SLC20A2: variants seen among roughly 807,000 people sequenced by gnomAD.
SLC20A2 encodes sodium-dependent phosphate transporter 2.
SLC20A2 carries 30 observed loss-of-function variants against 61.0 expected under a neutral mutation model. The observed-to-expected ratio is 0.49, with a 90% confidence interval of 0.37 to 0.67. The LOEUF (loss-of-function observed/expected upper bound fraction) is 0.67. SLC20A2 is among the 30% of genes least tolerant of loss of function. The pLI is 0.00. For missense variants in SLC20A2, 626 were observed against 866.4 expected (o/e 0.72, Z 3.48); for synonymous variants, 351 against 353.3 (o/e 0.99, Z 0.07).
chr8:42,540,316 G>A (rs1453546325), intron 1 of SLC20A2, among the ~76,000 whole-genome samples: 1 of 152,052 alleles, frequency 6.6e-6, no homozygotes, highest in Admixed American at 6.6e-5. Flanking sequence ...TAACAATAAT[G>A]TACACGTTTC....
At chr8:42,532,768 C>A (rs537743375) in intron 1 of SLC20A2, among the ~76,000 whole-genome samples, 1 of 152,034 alleles carries the variant, frequency 6.6e-6, no homozygotes, top group East Asian at 1.9e-4. Flanking sequence ...GAGACCAAGG[C>A]GGTGGAGAAG....
chr8:42,472,376 C>T lies in SLC20A2; in HGVS notation c.15G>A (p.Glu5=), dbSNP rs745994750. ...AACCCAAAATGACCATCCACAAATACTCATCCATGGCCATTTTGGAAAGTG... is the reference window on the plus strand; with the variant it reads ...AACCCAAAATGACCATCCACAAATATTCATCCATGGCCATTTTGGAAAGTG... MAMD[E]YLWMVILGFI... is the part of the protein sequence containing the mutation. The change falls in exon 2 of 11, where the codon GAG becomes GAA. Residue 5 remains glutamate (E), a synonymous_variant. Transcript: ENST00000520262. The surrounding 1 kb of genome is among the most constrained non-coding windows in gnomAD (Gnocchi z 4.1). 6.2e-7 allele frequency: 1 copy of T among 1,612,472 alleles called. No homozygotes were observed. The highest frequency in any genetic ancestry group is 2.2e-5 in the East Asian group (1 of 44,836).
chr8:42,455,253 T>TAGAGAG (rs1369266002), intron 5 of SLC20A2, among the ~76,000 whole-genome samples: 4 of 93,634 alleles, frequency 4.3e-5, no homozygotes, highest in African/African-American at 7.0e-5. Flanking sequence ...TATATATATA[T>TAGAGAG]ATATAGAGAG....
At position 42,437,287 on chromosome 8, in the gene SLC20A2, C is replaced by T. The variant is rs972449015; in HGVS notation, c.1225G>A (p.Ala409Thr). 1.9e-6 allele frequency: 3 copies of T among 1,614,116 alleles called. No homozygotes were observed. Among genetic ancestry groups the T allele is most frequent in the Non-Finnish European group, 2.5e-6 (3 of 1,180,034 alleles). Residue 409 changes from alanine to threonine, a missense_variant, in exon 8 of 11, where the codon GCC (alanine) becomes ACC (threonine). Ala to Thr is a moderately conservative substitution (Grantham distance 58, BLOSUM62 0). This residue lies in a region of SLC20A2 where 361 missense variants were observed against 422.3 expected (regional missense o/e 0.85). Transcript: ENST00000520262. This position sits in a 1 kb window ranked among gnomAD's most constrained non-coding sequence, Gnocchi z 6.4. ...ACCAGCTTCTCACTGTCCTCTGGGG[C>T]CGATGAGTCCGCAGCTCGAAAGGTG... Reference protein sequence around the residue: ...HATFRAADSSAPEDSEKLVGD... With the variant: ...HATFRAADSSTPEDSEKLVGD...
intron 5 of SLC20A2, among the ~76,000 whole-genome samples, chr8:42,445,334 T>A (rs1805129316): frequency 6.6e-6 from 1 of 151,960 alleles, no homozygotes; most frequent in Non-Finnish European, 1.5e-5. Flanking sequence ...AATAAAATTT[T>A]AACAACTGGG....
chr8:42,534,984 A>G (rs1160502770), intron 1 of SLC20A2: 2 of 152,246 alleles, frequency 1.3e-5, no homozygotes, highest in Admixed American at 1.3e-4. Flanking sequence ...GTTAACAAAG[A>G]TAATGTAAGA....
intron 1 of SLC20A2, among the ~76,000 whole-genome samples, chr8:42,486,828 T>G (rs1244945265): frequency 6.6e-6 from 1 of 152,156 alleles, no homozygotes; most frequent in African/African-American, 2.4e-5. Flanking sequence ...GTGTTCTTCA[T>G]CAAATTTGGG....
intron 1 of SLC20A2, among the ~76,000 whole-genome samples, chr8:42,474,922 T>TG: frequency 3.0e-5 from 1 of 33,248 alleles, no homozygotes; most frequent in African/African-American, 1.3e-4. Flanking sequence ...ACGCTGGGCC[T>TG]GGTGTGGGGG....
intron 1 of SLC20A2, among the ~76,000 whole-genome samples, chr8:42,533,654 C>CTTTTTTTCTTTTCTTTTTTTTTTT (rs1253260874): frequency 9.0e-5 from 5 of 55,294 alleles, no homozygotes; most frequent in African/African-American, 4.0e-4. Context: ...ATCAACTGTT[C>CTTTTTTTCTTTTCTTTTTTTTTTT]TTTTTTTTTT....
chr8:42,476,765 G>C (rs755031997), intron 1 of SLC20A2, among the ~76,000 whole-genome samples: 1 of 152,144 alleles, frequency 6.6e-6, no homozygotes, highest in Non-Finnish European at 1.5e-5. Flanking sequence ...GCACCTGCCT[G>C]AGGAAAAAGG....
At chr8:42,427,309 G>A (rs922756033) in intron 10 of SLC20A2, among the ~76,000 whole-genome samples, 2 of 152,342 alleles carry the variant, frequency 1.3e-5, no homozygotes, top group South Asian at 2.1e-4. Context: ...GGCCATGGTC[G>A]GGCACCACAA....
intron 1 of SLC20A2, among the ~76,000 whole-genome samples, chr8:42,479,965 G>A (rs1808436183): frequency 6.6e-6 from 1 of 152,206 alleles, no homozygotes; most frequent in South Asian, 2.1e-4. Flanking sequence ...AACTGCTCAA[G>A]CAAATAGGCA....
intron 1 of SLC20A2, among the ~76,000 whole-genome samples, chr8:42,478,011 G>A (rs567099303): frequency 6.0e-5 from 9 of 150,756 alleles, no homozygotes; most frequent in Middle Eastern, 3.4e-3. Context: ...TCAGCCTCCC[G>A]AGTAGCTGGG....
intron 10 of SLC20A2, among the ~76,000 whole-genome samples, chr8:42,422,621 C>G (rs987844142): frequency 6.6e-6 from 1 of 152,012 alleles, no homozygotes; most frequent in Non-Finnish European, 1.5e-5. Context: ...TATCCTCACC[C>G]GCCCCACCCC....
intron 1 of SLC20A2, among the ~76,000 whole-genome samples, chr8:42,487,400 A>C (rs1253148874): frequency 6.8e-6 from 1 of 146,452 alleles, no homozygotes; most frequent in Non-Finnish European, 1.5e-5. Flanking sequence ...GATGGTCTCG[A>C]TCTCCTGACC....
intron 1 of SLC20A2, chr8:42,541,008 G>A: frequency 6.6e-6 from 1 of 152,256 alleles, no homozygotes; most frequent in Non-Finnish European, 1.5e-5. Context: ...TGGAAAGCCA[G>A]TTTGGAGAAC....
chr8:42,441,100 C>T (rs1175180380), intron 6 of SLC20A2, among the ~76,000 whole-genome samples: 2 of 150,546 alleles, frequency 1.3e-5, no homozygotes, highest in Non-Finnish European at 3.0e-5. Context: ...TGTCTGGCCC[C>T]ATCTATCTTC....
intron 2 of SLC20A2, among the ~76,000 whole-genome samples, chr8:42,468,956 A>G (rs1807405115): frequency 1.3e-5 from 2 of 152,222 alleles, no homozygotes; most frequent in African/African-American, 4.8e-5. Flanking sequence ...GTCCCACAAG[A>G]TGACTTGTTC....
At chr8:42,464,090 A>ATTTTTTTTTTTTTTTTTTT (rs1563488008) in intron 3 of SLC20A2, among the ~76,000 whole-genome samples, 4 of 19,994 alleles carry the variant, frequency 2.0e-4, no homozygotes, top group Non-Finnish European at 2.6e-4. Flanking sequence ...AGGCTGGATG[A>ATTTTTTTTTTTTTTTTTTT]TCTTTTTTTT....
Sources: allele counts gnomAD v4.1 joint callset (sites outside exome capture counted in the v4.1 genomes callset), GRCh38; gene constraint gnomAD v4.1.1; regional missense constraint gnomAD v4.1.1; non-coding constraint Gnocchi (gnomAD v3.1); transcripts MANE v1.5; gene names NCBI Gene and HGNC (gene_info 2026-07-23, HGNC 2026-07-21).